Variants in STT3B observed in about 807,000 individuals in gnomAD.
STT3B encodes the protein dolichyl-diphosphooligosaccharide--protein glycosyltransferase subunit STT3B.
In STT3B, 29 loss-of-function variants were observed where a neutral mutation model predicts 96.8. The ratio of observed to expected loss-of-function variants is 0.30; its 90% CI spans 0.22 to 0.41. The LOEUF (loss-of-function observed/expected upper bound fraction) is 0.41. STT3B is among the 10% of genes least tolerant of loss of function. The pLI is 1.00. For synonymous variants in STT3B, 367 were observed against 360.0 expected (o/e 1.02, Z -0.22); for missense variants, 640 against 1,022.3 (o/e 0.63, Z 5.10).
At chr3:31,551,351 C>T (rs1310093222) in intron 1 of STT3B, among the ~76,000 whole-genome samples, 1 of 151,950 alleles carries the variant, frequency 6.6e-6, no homozygotes. Context: ...AAGTAGCTGG[C>T]ACTACATGCG....
chr3:31,544,193 GTTAA>G (rs1286133991), intron 1 of STT3B, among the ~76,000 whole-genome samples: 3 of 152,158 alleles, frequency 2.0e-5, no homozygotes, highest in African/African-American at 4.8e-5. Flanking sequence ...TATGATTATA[GTTAA>G]TTAATATGCA....
At chr3:31,576,596 G>T in intron 2 of STT3B, 92 bp downstream of exon 2, 1 of 721,168 alleles carries the variant, frequency 1.4e-6, no homozygotes, top group South Asian at 2.9e-5. Context: ...ATTCTTGAAA[G>T]CTTTGTATAG....
chr3:31,611,315 A>G (rs992146335), intron 5 of STT3B, among the ~76,000 whole-genome samples: 2 of 152,156 alleles, frequency 1.3e-5, no homozygotes, highest in African/African-American at 4.8e-5. Context: ...GATTTTTAGC[A>G]ATTTATCTGA....
intron 11 of STT3B, among the ~76,000 whole-genome samples, chr3:31,624,117 T>C (rs1183995496): frequency 6.6e-6 from 1 of 152,208 alleles, no homozygotes; most frequent in African/African-American, 2.4e-5. Context: ...ATTTATCCTT[T>C]CAGTTACAAA....
intron 1 of STT3B, among the ~76,000 whole-genome samples, chr3:31,567,117 A>G (rs1267941732): frequency 3.9e-5 from 6 of 152,078 alleles, no homozygotes; most frequent in East Asian, 3.9e-4. Flanking sequence ...CTTGGAGTCT[A>G]TGTGTGGTTA....
chr3:31,606,730 C>A (rs533779881), intron 5 of STT3B, among the ~76,000 whole-genome samples: 35 of 152,220 alleles, frequency 2.3e-4, no homozygotes, highest in Non-Finnish European at 4.4e-4. Flanking sequence ...AGCCCCCATA[C>A]AAAGTCCCCA....
intron 3 of STT3B, among the ~76,000 whole-genome samples, chr3:31,591,357 A>G (rs1698659157): frequency 2.0e-5 from 3 of 152,054 alleles, no homozygotes; most frequent in African/African-American, 7.2e-5. Context: ...TAAAAGTTTC[A>G]TTGACTGCGT....
chr3:31,565,584 A>T (rs1354582396), intron 1 of STT3B, among the ~76,000 whole-genome samples: 1 of 152,194 alleles, frequency 6.6e-6, no homozygotes, highest in Non-Finnish European at 1.5e-5. Context: ...TTAATATAAG[A>T]AGTATGAGAA....
intron 13 of STT3B, among the ~76,000 whole-genome samples, chr3:31,627,711 G>A (rs1553608770): frequency 1.3e-5 from 2 of 152,028 alleles, no homozygotes; most frequent in Non-Finnish European, 2.9e-5. Context: ...TTATTTTTTT[G>A]TATTAATCTT....
At chr3:31,539,211 T>C (rs148980031) in intron 1 of STT3B, among the ~76,000 whole-genome samples, 1 of 152,270 alleles carries the variant, frequency 6.6e-6, no homozygotes, top group East Asian at 1.9e-4. Flanking sequence ...GTACTATTTG[T>C]AGACAAACAA....
At position 31,615,130 on chromosome 3, in the gene STT3B, T is replaced by G; in HGVS notation, c.903T>G (p.Gly301=). 6.2e-7 allele frequency: 1 copy of G among 1,610,446 alleles called. No individual in the cohort carries two copies. Among genetic ancestry groups the G allele is most frequent in the Non-Finnish European group, 8.5e-7 (1 of 1,177,476 alleles). The part of the protein sequence containing the change: ...YIAYSTFYIV[G]LILSMQIPFV... ...CATATAGCACTTTCTACATTGTGGG[T>G]TTAATATTATCAATGCAGATACCTT... The change falls in exon 6 of 16, where the codon GGT becomes GGG. Residue 301 remains glycine, a synonymous_variant. Coordinates refer to ENST00000295770, the MANE Select transcript of STT3B (RefSeq NM_178862.3).
chr3:31,576,216 G>T (rs1183021505), intron 1 of STT3B, among the ~76,000 whole-genome samples, 180 bp from the exon 2 acceptor site: 4 of 151,914 alleles, frequency 2.6e-5, no homozygotes, highest in Admixed American at 6.6e-5. Flanking sequence ...TTTGAAGTTG[G>T]GGGCGTTTTT....
intron 6 of STT3B, among the ~76,000 whole-genome samples, chr3:31,616,324 A>G (rs879888351): frequency 2.6e-5 from 4 of 151,856 alleles, no homozygotes; most frequent in Non-Finnish European, 2.9e-5. Flanking sequence ...AAGGTCAGAG[A>G]ATTATTTTAT....
At chr3:31,576,154 C>A (rs931109018) in intron 1 of STT3B, among the ~76,000 whole-genome samples, 1 of 151,928 alleles carries the variant, frequency 6.6e-6, no homozygotes, top group Non-Finnish European at 1.5e-5. Context: ...CACCTGGACC[C>A]CAAGCAATGG....
chr3:31,606,590 T>C (rs1361956917), intron 5 of STT3B, among the ~76,000 whole-genome samples: 1 of 152,182 alleles, frequency 6.6e-6, no homozygotes, highest in African/African-American at 2.4e-5. Flanking sequence ...AATTGAGGTT[T>C]GGGAGCCTCC....
At chr3:31,600,060 T>A (rs973436080) in intron 4 of STT3B, among the ~76,000 whole-genome samples, 6 of 152,172 alleles carry the variant, frequency 3.9e-5, no homozygotes, top group Admixed American at 1.3e-4. Context: ...TCTATGACAG[T>A]CTGTTTACTG....
At chr3:31,543,142 T>C (rs1697321923) in intron 1 of STT3B, among the ~76,000 whole-genome samples, 1 of 151,872 alleles carries the variant, frequency 6.6e-6, no homozygotes, top group African/African-American at 2.4e-5. Context: ...ATCATCTGTG[T>C]CTTACGTGAG....
chr3:31,572,330 T>C (rs1281112398), intron 1 of STT3B, among the ~76,000 whole-genome samples: 1 of 150,530 alleles, frequency 6.6e-6, no homozygotes, highest in Non-Finnish European at 1.5e-5. Context: ...ATTGTAGAAT[T>C]TAACAGTAAG....
At chr3:31,589,787 A>AGAG (rs1436455776) in intron 3 of STT3B, among the ~76,000 whole-genome samples, 3 of 151,992 alleles carry the variant, frequency 2.0e-5, no homozygotes, top group Non-Finnish European at 4.4e-5. Context: ...CTTCAGAGAC[A>AGAG]GAGGGTCTTT....
Sources: allele counts gnomAD v4.1 joint callset (sites outside exome capture counted in the v4.1 genomes callset), GRCh38; gene constraint gnomAD v4.1.1; transcripts MANE v1.5; gene names NCBI Gene and HGNC (gene_info 2026-07-23, HGNC 2026-07-21).